PHACTR1: variants seen among roughly 807,000 people sequenced by gnomAD.
PHACTR1 encodes phosphatase and actin regulator 1.
PHACTR1 carries 16 observed loss-of-function variants against 69.2 expected under a neutral mutation model. That is an observed-to-expected ratio of 0.23 (90% CI 0.16 to 0.35). The LOEUF (loss-of-function observed/expected upper bound fraction) is 0.35. Among genes scored for constraint, PHACTR1 ranks in the 10% least tolerant of loss-of-function variants. The pLI is 1.00. For synonymous variants in PHACTR1, 312 were observed against 284.5 expected, an observed-to-expected ratio of 1.10 and a Z score of -0.97; for missense variants, 510 against 734.7, an observed-to-expected ratio of 0.69 and a Z score of 3.54.
At chr6:12,788,891 G>A (rs993066903) in intron 4 of PHACTR1, among the ~76,000 whole-genome samples, 3 of 152,210 alleles carry the variant, frequency 2.0e-5, no homozygotes, top group African/African-American at 7.2e-5. Flanking sequence ...TGCAAACATT[G>A]CAAGATGAGA....
intron 4 of PHACTR1, among the ~76,000 whole-genome samples, chr6:12,913,951 T>C (rs1039143055): frequency 6.6e-6 from 1 of 152,168 alleles, no homozygotes; most frequent in Non-Finnish European, 1.5e-5. Flanking sequence ...GACAACTTCT[T>C]TTCTTTTCTT....
intron 4 of PHACTR1, among the ~76,000 whole-genome samples, chr6:12,790,050 CTGAA>C (rs1772068075): frequency 6.6e-6 from 1 of 152,124 alleles, no homozygotes; most frequent in South Asian, 2.1e-4. Context: ...CTGATAACCT[CTGAA>C]TAAGTCCCTG....
At chr6:12,736,124 A>G (rs1253884961) in intron 3 of PHACTR1, among the ~76,000 whole-genome samples, 1 of 152,238 alleles carries the variant, frequency 6.6e-6, no homozygotes, top group Non-Finnish European at 1.5e-5. Context: ...AAAATGTTCC[A>G]GGATCTATGT....
intron 4 of PHACTR1, among the ~76,000 whole-genome samples, chr6:12,796,917 G>T (rs1475849836): frequency 6.6e-6 from 1 of 152,062 alleles, no homozygotes. Flanking sequence ...TTAAGACTCA[G>T]AAATGTGCTA....
intron 3 of PHACTR1, among the ~76,000 whole-genome samples, chr6:12,746,701 ATAT>A (rs1231170274): frequency 6.6e-6 from 1 of 152,250 alleles, no homozygotes; most frequent in Non-Finnish European, 1.5e-5. Context: ...AGTGGTAGCA[ATAT>A]TAAGTTCCTA....
intron 7 of PHACTR1, chr6:13,184,712 C>A: frequency 9.2e-7 from 1 of 1,086,804 alleles, no homozygotes; most frequent in Non-Finnish European, 1.3e-6. Flanking sequence ...TGTTGCCAGC[C>A]CGAGTCCCTG....
intron 4 of PHACTR1, among the ~76,000 whole-genome samples, chr6:12,956,449 G>A (rs567404711): frequency 6.6e-6 from 1 of 152,184 alleles, no homozygotes; most frequent in Non-Finnish European, 1.5e-5. Context: ...GGGACTGGGG[G>A]CATTGAGGAA....
At chr6:13,064,570 A>C (rs1373862111) in intron 5 of PHACTR1, among the ~76,000 whole-genome samples, 6 of 9,130 alleles carry the variant, frequency 6.6e-4, no homozygotes, top group Admixed American at 6.4e-3. Flanking sequence ...ATATATATAT[A>C]TATATATATA....
chr6:12,952,667 G>A (rs559090326), intron 4 of PHACTR1, among the ~76,000 whole-genome samples: 1 of 152,322 alleles, frequency 6.6e-6, no homozygotes, highest in African/African-American at 2.4e-5. Context: ...TATGCATAAA[G>A]CCGCTATCCT....
chr6:12,896,895 G>C (rs1032249622), intron 4 of PHACTR1, among the ~76,000 whole-genome samples: 1 of 152,138 alleles, frequency 6.6e-6, no homozygotes, highest in African/African-American at 2.4e-5. Context: ...CAATGTACTA[G>C]GGGTAGAATT....
intron 11 of PHACTR1, 153 bp downstream of exon 11, chr6:13,273,068 C>A: frequency 4.5e-6 from 5 of 1,122,022 alleles, no homozygotes; most frequent in Non-Finnish European, 6.3e-6. Context: ...GTTAGAACAC[C>A]AAAGACGACC....
At chr6:12,862,852 A>G (rs954617127) in intron 4 of PHACTR1, among the ~76,000 whole-genome samples, 5 of 152,244 alleles carry the variant, frequency 3.3e-5, no homozygotes, top group Non-Finnish European at 7.3e-5. Flanking sequence ...TTCTATATGT[A>G]AGAGTCTAGA....
intron 4 of PHACTR1, among the ~76,000 whole-genome samples, chr6:12,783,414 T>C (rs1346877348): frequency 6.6e-6 from 1 of 152,330 alleles, no homozygotes; most frequent in East Asian, 1.9e-4. Flanking sequence ...CATTTATTAA[T>C]TTGCTCTTTT....
At chr6:12,933,400 A>G (rs1789087149) in intron 4 of PHACTR1, among the ~76,000 whole-genome samples, 1 of 152,276 alleles carries the variant, frequency 6.6e-6, no homozygotes, top group Admixed American at 6.5e-5. Context: ...TTAATAAACT[A>G]GATGTTTAAA....
chr6:13,281,921 C>T (rs963100487), intron 12 of PHACTR1, among the ~76,000 whole-genome samples: 6 of 152,208 alleles, frequency 3.9e-5, no homozygotes, highest in East Asian at 1.9e-4. Context: ...GCACCAGAGG[C>T]GGCTGAGCCC....
intron 4 of PHACTR1, among the ~76,000 whole-genome samples, chr6:13,049,388 A>G (rs1016038728): frequency 1.3e-5 from 2 of 152,244 alleles, no homozygotes; most frequent in Non-Finnish European, 1.5e-5. Flanking sequence ...CAAACTCAGT[A>G]TCAACCCTGA....
intron 5 of PHACTR1, among the ~76,000 whole-genome samples, chr6:13,094,700 T>C (rs1269461560): frequency 6.6e-6 from 1 of 152,186 alleles, no homozygotes; most frequent in Admixed American, 6.5e-5. Flanking sequence ...GATAGGTGTG[T>C]TTGACAGCAC....
At chr6:13,186,470 C>T (rs1583801264) in intron 7 of PHACTR1, among the ~76,000 whole-genome samples, 2 of 152,216 alleles carry the variant, frequency 1.3e-5, no homozygotes, top group African/African-American at 4.8e-5. Context: ...ACAACTGCAA[C>T]AGCCTGCATA....
intron 10 of PHACTR1, chr6:13,266,737 A>G (rs1190815846): frequency 6.6e-6 from 1 of 152,292 alleles, no homozygotes; most frequent in East Asian, 1.9e-4. Context: ...AGATCTCGCG[A>G]GAATGCACTC....
Sources: allele counts gnomAD v4.1 joint callset (sites outside exome capture counted in the v4.1 genomes callset), GRCh38; gene constraint gnomAD v4.1.1; transcripts MANE v1.5; gene names NCBI Gene and HGNC (gene_info 2026-07-23, HGNC 2026-07-21).